The following DLGAP1 variants were observed in gnomAD, a reference collection of about 807,000 sequenced individuals.
DLGAP1 encodes DLG associated protein 1, also known as disks large-associated protein 1.
Under a neutral mutation model 90.8 loss-of-function variants are expected in DLGAP1, and 11 were observed. The observed-to-expected ratio is 0.12, with a 90% CI of 0.08 to 0.20. DLGAP1 has a LOEUF of 0.20. Among genes scored for constraint, DLGAP1 ranks in the 10% least tolerant of loss-of-function variants. The probability of loss-of-function intolerance (pLI) is 1.00; values close to 1 mark genes in which losing one functional copy is unlikely to be tolerated. For synonymous variants in DLGAP1, 558 were observed against 540.7 expected (o/e 1.03, Z -0.44); for missense variants, 1,050 against 1,333.8 (o/e 0.79, Z 3.31).
At chr18:4,294,375 G>A in intron 1 of DLGAP1, 1 of 152,358 alleles carries the variant, frequency 6.6e-6, no homozygotes, top group Non-Finnish European at 1.5e-5. Context: ...GGCCTGGGAA[G>A]ACCACACATG....
At chr18:4,266,471 G>A (rs979530849) in intron 1 of DLGAP1, among the ~76,000 whole-genome samples, 1 of 152,208 alleles carries the variant, frequency 6.6e-6, no homozygotes, top group South Asian at 2.1e-4. Context: ...TAGATCAACG[G>A]GGAGCACAGA....
chr18:4,013,524 G>A (rs965918566), intron 2 of DLGAP1: 1 of 152,192 alleles, frequency 6.6e-6, no homozygotes, highest in African/African-American at 2.4e-5. Context: ...GTTGTCAGAG[G>A]CTTTCTCTGC....
At chr18:4,295,299 A>C (rs1376224098) in intron 1 of DLGAP1, 1 of 152,138 alleles carries the variant, frequency 6.6e-6, no homozygotes, top group Non-Finnish European at 1.5e-5. Context: ...TCTAGTGCTC[A>C]CCACACCACA....
intron 2 of DLGAP1, among the ~76,000 whole-genome samples, chr18:4,089,634 A>C (rs1337406049): frequency 6.6e-6 from 1 of 152,230 alleles, no homozygotes; most frequent in Non-Finnish European, 1.5e-5. Context: ...ATAATACCAC[A>C]CATTTACAAA....
intron 4 of DLGAP1, among the ~76,000 whole-genome samples, chr18:3,854,200 T>C (rs971914016): frequency 2.6e-5 from 4 of 152,226 alleles, no homozygotes; most frequent in Non-Finnish European, 4.4e-5. Context: ...ACTGGTTGAA[T>C]GACTTTTCCT....
rs1254193428 is a variant in DLGAP1, at chr18:3,653,665, T to C, written c.1592-71417A>G. ...CTTGGTTTGTTTTTCTCTTAGGACTTTGACAATTATTTTTCCTTGAAAAGA... is the reference window on the plus strand; with the variant it reads ...CTTGGTTTGTTTTTCTCTTAGGACTCTGACAATTATTTTTCCTTGAAAAGA... On this transcript the variant is annotated intron_variant, in intron 7 of 12. Coordinates refer to ENST00000315677, the MANE Select transcript of DLGAP1 (RefSeq NM_004746.4). This position sits in a 1 kb window ranked among gnomAD's most constrained non-coding sequence, Gnocchi z 4.6. The C allele has an allele frequency of 6.6e-6, 1 of 152,178 alleles. No homozygotes were observed. Among genetic ancestry groups the C allele is most frequent in the African/African-American group, 2.4e-5 (1 of 41,458 alleles). 9.4% of individuals were successfully genotyped at this position (152,178 alleles called of 1,614,324 possible). A position where few individuals can be genotyped will look rare whatever the true frequency, so the allele number is the denominator to read the frequency against.
intron 2 of DLGAP1, among the ~76,000 whole-genome samples, chr18:4,098,666 G>A (rs1401438879): frequency 6.6e-6 from 1 of 152,180 alleles, no homozygotes. Context: ...AAAAAAGGAG[G>A]AAATTATTGG....
chr18:3,936,091 G>A (rs577858286), intron 3 of DLGAP1, among the ~76,000 whole-genome samples: 1 of 152,244 alleles, frequency 6.6e-6, no homozygotes, highest in Admixed American at 6.5e-5. Flanking sequence ...CTTAACCTGT[G>A]ACAGGGGTAC....
At chr18:3,903,065 C>T (rs953911879) in intron 3 of DLGAP1, among the ~76,000 whole-genome samples, 1 of 152,168 alleles carries the variant, frequency 6.6e-6, no homozygotes, top group African/African-American at 2.4e-5. Flanking sequence ...ATTCCTTTAG[C>T]GCCCTGTACT....
At chr18:4,385,671 C>A (rs2082215940) in intron 1 of DLGAP1, among the ~76,000 whole-genome samples, 1 of 152,138 alleles carries the variant, frequency 6.6e-6, no homozygotes, top group Non-Finnish European at 1.5e-5. Flanking sequence ...AAGAAATCTA[C>A]AGATTCAGGG....
At chr18:3,685,601 G>A (rs920339810) in intron 7 of DLGAP1, among the ~76,000 whole-genome samples, 1 of 142,202 alleles carries the variant, frequency 7.0e-6, no homozygotes, top group South Asian at 2.2e-4. Context: ...ATCCAGAGAC[G>A]GTACCCTTTA....
At chr18:4,329,382 T>C (rs2143705705) in intron 1 of DLGAP1, among the ~76,000 whole-genome samples, 1 of 152,088 alleles carries the variant, frequency 6.6e-6, no homozygotes, top group South Asian at 2.1e-4. Flanking sequence ...TCACACTATC[T>C]TGACTATTTT....
intron 1 of DLGAP1, among the ~76,000 whole-genome samples, chr18:4,409,351 T>C (rs1415569652): frequency 2.0e-5 from 3 of 152,142 alleles, no homozygotes; most frequent in Non-Finnish European, 2.9e-5. Context: ...AAACTTCCTA[T>C]GTGGAAGGCA....
rs141093693 is a variant in DLGAP1, at chr18:3,978,368, G to A, written c.-73+26748C>T. ...GCCAGCATCATCTCATTTAATTTTC[G>A]TGGGATCTCGCCTTGGATGATGAGT... On this transcript the variant is annotated intron_variant, in intron 3 of 12. Coordinates refer to ENST00000315677, the MANE Select transcript of DLGAP1 (RefSeq NM_004746.4). 1.7e-3 allele frequency: 581 copies of A among 338,318 alleles called. 4 individuals are homozygous for A. The highest frequency in any genetic ancestry group is 0.011 in the African/African-American group (520 of 45,910). The allele number at this position is 338,318 out of a possible 1,614,324, so 21.0% of individuals were successfully genotyped here. A position where few individuals can be genotyped will look rare whatever the true frequency, so the allele number is the denominator to read the frequency against.
intron 3 of DLGAP1, among the ~76,000 whole-genome samples, chr18:3,960,209 G>C (rs2073170023): frequency 2.0e-5 from 3 of 152,142 alleles, no homozygotes; most frequent in African/African-American, 4.8e-5. Context: ...AAAACACAAG[G>C]CTTTTTCATT....
At chr18:3,592,736 C>T (rs765581754) in intron 7 of DLGAP1, among the ~76,000 whole-genome samples, 31 of 146,846 alleles carry the variant, frequency 2.1e-4, no homozygotes, top group Non-Finnish European at 3.6e-4. Flanking sequence ...CTCAGCTACT[C>T]GGTAGGCTGA....
rs576337335 is a variant in DLGAP1 at position 3,814,336 on chromosome 18, C to CT, written c.958-64dup. Reference sequence around the variant, plus strand: ...AAGCCTACCTTTTTCTTTTCTTTTTCTTTTTTTTTAGATTTAACATTTCTA... The same window carrying CT: ...AAGCCTACCTTTTTCTTTTCTTTTTCTTTTTTTTTTAGATTTAACATTTCTA... On this transcript the variant is annotated intron_variant, in intron 4 of 12. Coordinates refer to ENST00000315677, the MANE Select transcript of DLGAP1 (RefSeq NM_004746.4). 8.2e-4 allele frequency: 944 copies of CT among 1,145,496 alleles called. 3 individuals are homozygous for CT. The highest frequency in any genetic ancestry group is 7.6e-3 in the South Asian group (468 of 61,394). The allele number at this position is 1,145,496 out of a possible 1,614,324, so 71.0% of individuals were successfully genotyped here. A position where few individuals can be genotyped will look rare whatever the true frequency, so the allele number is the denominator to read the frequency against.
chr18:3,649,358 A>G (rs2059220242), intron 7 of DLGAP1, among the ~76,000 whole-genome samples: 1 of 152,204 alleles, frequency 6.6e-6, no homozygotes, highest in Non-Finnish European at 1.5e-5. Flanking sequence ...AGAGAGCTCT[A>G]TCCAACACGA....
At chr18:3,904,688 T>A (rs1184886067) in intron 3 of DLGAP1, among the ~76,000 whole-genome samples, 1 of 152,206 alleles carries the variant, frequency 6.6e-6, no homozygotes, top group Non-Finnish European at 1.5e-5. Flanking sequence ...CACACAGCCC[T>A]CATAATTAAA....
Sources: gnomAD v4.1 joint callset for allele counts (sites outside exome capture counted in the v4.1 genomes callset) on GRCh38, gnomAD v4.1.1 for gene constraint, Gnocchi (gnomAD v3.1) non-coding constraint, MANE v1.5 for transcripts, NCBI Gene and HGNC (gene_info 2026-07-23, HGNC 2026-07-21) for gene names.